Variants in RELN observed in about 807,000 individuals in gnomAD.
The protein encoded by RELN is reelin.
A neutral mutation model predicts 427.6 loss-of-function variants in RELN; 108 were observed. That is an observed-to-expected ratio of 0.25 (90% confidence interval 0.22 to 0.30). The LOEUF (loss-of-function observed/expected upper bound fraction) is 0.30. Ranked by LOEUF, RELN falls within the 10% of genes least tolerant of loss-of-function variation. RELN has a pLI of 1.00. For missense variants in RELN, 3,715 were observed against 4,302.8 expected (o/e 0.86, Z 3.82); for synonymous variants, 1,524 against 1,513.4 (o/e 1.01, Z -0.16).
intron 28 of RELN, among the ~76,000 whole-genome samples, chr7:103,588,495 T>C (rs1416359686): frequency 1.3e-5 from 2 of 152,174 alleles, no homozygotes; most frequent in African/African-American, 4.8e-5. Flanking sequence ...AGGGTGACTA[T>C]ACTTAACAAA....
Position 103,557,055 on chromosome 7 carries a change from G to T in RELN, c.5719C>A (p.Leu1907Ile). 1 of 1,613,560 alleles carries T rather than the reference G, an allele frequency of 6.2e-7. No individual in the cohort carries two copies. The highest frequency in any genetic ancestry group is 8.5e-7 in the Non-Finnish European group (1 of 1,179,434). The part of the protein sequence containing the change: ...EFYFPQTTNI[L>I]FINVPLPYTA... ...TATGGCAAGGGAACATTGATGAAAA[G>T]TATATTCGTTGTTTGAGGAAAGTAA... is the stretch of plus-strand genomic sequence containing the variant. The change falls in exon 38 of 65, where the codon CTT (leucine) becomes ATT (isoleucine). Residue 1907 changes from leucine to isoleucine, a missense_variant. Transcript: ENST00000428762.
intron 1 of RELN, among the ~76,000 whole-genome samples, chr7:103,950,409 A>G (rs144516739): frequency 3.2e-4 from 48 of 152,346 alleles, no homozygotes; most frequent in African/African-American, 1.1e-3. Flanking sequence ...GTATAAACAT[A>G]AAACTACTAA....
At chr7:103,710,794 C>T (rs948939966) in intron 8 of RELN, among the ~76,000 whole-genome samples, 3 of 152,204 alleles carry the variant, frequency 2.0e-5, no homozygotes, top group Non-Finnish European at 2.9e-5. Context: ...GCCTGTAATC[C>T]CAGCACTTTG....
intron 7 of RELN, among the ~76,000 whole-genome samples, chr7:103,726,966 C>A (rs757008891): frequency 6.6e-6 from 1 of 152,084 alleles, no homozygotes; most frequent in African/African-American, 2.4e-5. Context: ...GTAATTTCAA[C>A]TAAAAACTCC....
intron 22 of RELN, among the ~76,000 whole-genome samples, chr7:103,607,340 T>A (rs971472393): frequency 1.3e-5 from 2 of 152,192 alleles, no homozygotes; most frequent in Non-Finnish European, 2.9e-5. Context: ...TTCAGTTTTA[T>A]TGAGAAAAAA....
intron 16 of RELN, among the ~76,000 whole-genome samples, chr7:103,649,770 G>C (rs1237052143): frequency 6.6e-6 from 1 of 151,804 alleles, no homozygotes; most frequent in Non-Finnish European, 1.5e-5. Context: ...ATATATCTAA[G>C]TTTTCTTTCT....
intron 10 of RELN, among the ~76,000 whole-genome samples, chr7:103,695,845 A>G (rs999737913): frequency 2.0e-5 from 3 of 152,144 alleles, no homozygotes; most frequent in African/African-American, 7.2e-5. Context: ...AGACTCATAC[A>G]AAAGAAATCC....
At chr7:103,873,955 C>G (rs1259745648) in intron 2 of RELN, among the ~76,000 whole-genome samples, 1 of 141,206 alleles carries the variant, frequency 7.1e-6, no homozygotes, top group Non-Finnish European at 1.6e-5. Flanking sequence ...TAAAAATCCT[C>G]AATAAAATAC....
chr7:103,673,894 T>A (rs1833449882), intron 11 of RELN, among the ~76,000 whole-genome samples: 1 of 151,022 alleles, frequency 6.6e-6, no homozygotes, highest in East Asian at 2.0e-4. Context: ...ACACTTTCAC[T>A]CATAGCCACT....
chr7:103,939,806 A>T lies in RELN; in HGVS notation c.227-22621T>A, dbSNP rs554342228. ...CTGAGGATCTATCATGTAGCCATTAAAAAGCTTGTTTGTGAGAGATACATA... is the reference window on the plus strand; with the variant it reads ...CTGAGGATCTATCATGTAGCCATTATAAAGCTTGTTTGTGAGAGATACATA... On this transcript the variant is annotated intron_variant, in intron 1 of 64. Transcript: ENST00000428762. 7.2e-5 allele frequency among the ~76,000 whole-genome samples: 11 copies of T among 152,342 alleles called. No individual in the cohort carries two copies. The East Asian group carries it at 2.1e-3, about 29-fold the overall frequency.
At chr7:103,672,497 T>A (rs1309652394) in intron 11 of RELN, among the ~76,000 whole-genome samples, 1 of 152,076 alleles carries the variant, frequency 6.6e-6, no homozygotes, top group Non-Finnish European at 1.5e-5. Flanking sequence ...ACAATTAGCC[T>A]AAAAAGAAAG....
At chr7:103,554,049 T>G (rs913777276) in intron 38 of RELN, among the ~76,000 whole-genome samples, 3 of 152,086 alleles carry the variant, frequency 2.0e-5, no homozygotes, top group African/African-American at 7.2e-5. Context: ...TAGCCAGGTG[T>G]GTTTGTGCAT....
rs117176378 is a variant in RELN, at chr7:103,698,229, A to G, written c.903-136T>C. Reference sequence around the variant, plus strand: ...TTACAGATAAAATAGCTACAATCTCATAGCCCTTAAATCTTTTAATATTTG... The same window carrying G: ...TTACAGATAAAATAGCTACAATCTCGTAGCCCTTAAATCTTTTAATATTTG... On this transcript the variant is annotated intron_variant, in intron 9 of 64. Transcript: ENST00000428762. 14,949 of 1,082,586 alleles carry G rather than the reference A, an allele frequency of 0.014. 185 individuals carry two copies. The highest frequency in any genetic ancestry group is 0.032 in the Middle Eastern group (154 of 4,780). 67.1% of individuals were successfully genotyped at this position (1,082,586 alleles called of 1,614,324 possible).
intron 1 of RELN, among the ~76,000 whole-genome samples, chr7:103,971,859 G>A (rs538318362): frequency 4.1e-5 from 3 of 73,794 alleles, no homozygotes; most frequent in African/African-American, 1.0e-4. Context: ...GATCATTTGA[G>A]GTCAAGAGTT....
At chr7:103,934,406 T>C (rs536741150) in intron 1 of RELN, among the ~76,000 whole-genome samples, 1 of 152,188 alleles carries the variant, frequency 6.6e-6, no homozygotes, top group Admixed American at 6.6e-5. Flanking sequence ...TCTTACAGCT[T>C]AAGCCATAGC....
chr7:103,487,380 T>C (rs569718971), intron 60 of RELN, among the ~76,000 whole-genome samples: 43 of 141,242 alleles, frequency 3.0e-4, no homozygotes, highest in African/African-American at 1.1e-3. Context: ...GTTCTGCACA[T>C]GTATCCCAGA....
chr7:103,728,290 TTTA>T, intron 6 of RELN, 83 bp from the exon 7 acceptor site: 17 of 1,294,244 alleles, frequency 1.3e-5, no homozygotes, highest in Non-Finnish European at 1.9e-5. Context: ...CGATATAATA[TTTA>T]TTGTTACTCA....
chr7:103,844,511 A>G (rs1793629334), intron 2 of RELN, among the ~76,000 whole-genome samples: 1 of 152,186 alleles, frequency 6.6e-6, no homozygotes, highest in African/African-American at 2.4e-5. Flanking sequence ...TTTTTTCATT[A>G]AAAACCCTAA....
chr7:103,563,162 G>A lies in RELN; in HGVS notation c.5211-1209C>T, dbSNP rs557224792. Among the ~76,000 whole-genome samples, 1 of 152,232 alleles carries A rather than the reference G, an allele frequency of 6.6e-6. No individual in the cohort carries two copies. The highest frequency in any genetic ancestry group is 2.1e-4 in the South Asian group (1 of 4,830). On this transcript the variant is annotated intron_variant, in intron 34 of 64. Coordinates refer to ENST00000428762, the MANE Select transcript of RELN (RefSeq NM_005045.4). The surrounding 1 kb of genome is among the most constrained non-coding windows in gnomAD (Gnocchi z 4.1). ...AATAATATCTCTGAGTACTTCCTCT[G>A]GTATCATCTTATAGCATAAACAGCT...
Sources: allele counts gnomAD v4.1 joint callset (sites outside exome capture counted in the v4.1 genomes callset), GRCh38; gene constraint gnomAD v4.1.1; non-coding constraint Gnocchi (gnomAD v3.1); transcripts MANE v1.5; gene names NCBI Gene and HGNC (gene_info 2026-07-23, HGNC 2026-07-21).